The following DMD variants were observed in gnomAD, a reference collection of about 807,000 sequenced individuals.
DMD encodes the protein dystrophin, also known as mutant dystrophin.
DMD carries 63 observed loss-of-function variants against 330.1 expected under a neutral mutation model. That is an observed-to-expected ratio of 0.19 (90% CI 0.16 to 0.24). The LOEUF (loss-of-function observed/expected upper bound fraction) is 0.24, where lower values mean the gene tolerates loss of function less well. Among genes scored for constraint, DMD ranks in the 10% least tolerant of loss-of-function variants. The pLI is 1.00. For missense variants in DMD, 3,344 were observed against 2,684.1 expected (o/e 1.25, Z -5.43); for synonymous variants, 1,223 against 959.8 (o/e 1.27, Z -5.07).
chrX:32,005,327 C>A (rs984959146), intron 44 of DMD, among the ~76,000 whole-genome samples: 11 of 111,290 alleles, frequency 9.9e-5, no homozygotes, highest in African/African-American at 3.6e-4. Context: ...GTGAGATGAG[C>A]TAGCATCCTG....
intron 1 of DMD, among the ~76,000 whole-genome samples, chrX:33,108,072 A>G (rs1438132855): frequency 1.8e-5 from 2 of 111,668 alleles, no homozygotes; most frequent in Admixed American, 1.9e-4. Context: ...AATAAAACTA[A>G]TGTTTCCATT....
chrX:32,740,725 T>G (rs1339667248), intron 7 of DMD, among the ~76,000 whole-genome samples: 3 of 111,385 alleles, frequency 2.7e-5, no homozygotes, highest in Non-Finnish European at 5.7e-5. Context: ...GTGAGTGTAT[T>G]TACTACCTCT....
intron 44 of DMD, among the ~76,000 whole-genome samples, chrX:32,170,872 A>T (rs2096885183): frequency 9.0e-6 from 1 of 111,353 alleles, no homozygotes; most frequent in East Asian, 2.8e-4. Context: ...CCTGGCTGAG[A>T]ACCACTGTAT....
At chrX:31,978,699 G>A (rs774916172) in intron 44 of DMD, among the ~76,000 whole-genome samples, 1 of 111,389 alleles carries the variant, frequency 9.0e-6, no homozygotes, top group African/African-American at 3.3e-5. Flanking sequence ...GTGACGTCCT[G>A]GTCATTCTCC....
At chrX:31,126,837 A>C (rs1601971965) in intron 77 of DMD, 164 bp from the exon 78 acceptor site, 1 of 460,881 alleles carries the variant, frequency 2.2e-6, no homozygotes, top group East Asian at 3.7e-5. Flanking sequence ...GAAACAAAAA[A>C]CCCAAAAGAC....
At chrX:31,637,800 T>C (rs949211194) in intron 54 of DMD, among the ~76,000 whole-genome samples, 4 of 111,673 alleles carry the variant, frequency 3.6e-5, no homozygotes, top group South Asian at 3.7e-4. Context: ...ATTATTTCAG[T>C]TGAACCTCAT....
intron 25 of DMD, among the ~76,000 whole-genome samples, chrX:32,461,232 T>A (rs1461973006): frequency 8.9e-6 from 1 of 111,751 alleles, no homozygotes; most frequent in African/African-American, 3.2e-5. Flanking sequence ...ATGCATAGAT[T>A]TACACTTCAT....
intron 44 of DMD, among the ~76,000 whole-genome samples, chrX:32,174,716 A>C (rs761311102): frequency 2.7e-5 from 3 of 111,078 alleles, no homozygotes; most frequent in South Asian, 7.5e-4. Flanking sequence ...CGTATATTTT[A>C]TTTTCAAAGT....
chrX:32,839,097 T>C (rs906304675), intron 4 of DMD, among the ~76,000 whole-genome samples: 1 of 111,633 alleles, frequency 9.0e-6, no homozygotes, highest in Admixed American at 9.6e-5. Flanking sequence ...TGTCATCTCA[T>C]TTAGACCTGA....
intron 55 of DMD, among the ~76,000 whole-genome samples, chrX:31,517,489 C>T (rs2072335151): frequency 2.7e-5 from 3 of 111,753 alleles, no homozygotes; most frequent in African/African-American, 9.8e-5. Flanking sequence ...CTTAGAATGC[C>T]GCCTGGAGAT....
At position 32,379,208 on chromosome X, in the gene DMD, CT is replaced by C. The variant is rs376563271; in HGVS notation, c.4845+1301del. ...AGAAAATAAATGCCAGTTTTCTAAG[CT>C]TTTTTTTTTTCCTACTAGATCTCAC... is the stretch of plus-strand genomic sequence containing the variant. On this transcript the variant is annotated intron_variant, in intron 34 of 78. Transcript: ENST00000357033. Among the ~76,000 whole-genome samples, 304 of 102,639 alleles carry C rather than the reference CT, an allele frequency of 3.0e-3. 1 individual carries two copies. The highest frequency in any genetic ancestry group is 9.5e-3 in the African/African-American group (272 of 28,542). 89.1% of individuals were successfully genotyped at this position (102,639 alleles called of 115,157 possible). A position where few individuals can be genotyped will look rare whatever the true frequency, so the allele number is the denominator to read the frequency against.
chrX:33,013,590 G>A (rs971584601), intron 2 of DMD, among the ~76,000 whole-genome samples: 3 of 111,885 alleles, frequency 2.7e-5, no homozygotes. Flanking sequence ...TGGCACAATA[G>A]CTCTGCTCGA....
At chrX:31,988,787 G>C (rs867491475) in intron 44 of DMD, among the ~76,000 whole-genome samples, 2 of 106,729 alleles carry the variant, frequency 1.9e-5, no homozygotes, top group Non-Finnish European at 3.9e-5. Context: ...TTCTCTCTCT[G>C]TCTCTCTCTC....
rs149880377 is a variant in DMD at position 32,374,467 on chromosome X, A to G, written c.4845+6043T>C. On this transcript the variant is annotated intron_variant, in intron 34 of 78. Transcript: ENST00000357033. ...ACATTTAAGACTTTAATCCATCTTG[A>G]GTTAATTTTTGTATATGGTGAAAGG... is the stretch of plus-strand genomic sequence containing the variant. 3.7e-3 allele frequency among the ~76,000 whole-genome samples: 415 copies of G among 111,424 alleles called. 3 individuals are homozygous for G. Among genetic ancestry groups the G allele is most frequent in the African/African-American group, 0.013 (393 of 30,697 alleles).
intron 25 of DMD, among the ~76,000 whole-genome samples, chrX:32,462,507 T>A (rs912971415): frequency 9.0e-6 from 1 of 110,990 alleles, no homozygotes; most frequent in African/African-American, 3.3e-5. Context: ...TATCTTACTA[T>A]CCGTAATTGA....
At chrX:32,733,795 C>T (rs1363163398) in intron 7 of DMD, among the ~76,000 whole-genome samples, 6 of 103,776 alleles carry the variant, frequency 5.8e-5, no homozygotes, top group East Asian at 6.6e-4. Context: ...GCACTAAATG[C>T]CCACAAGAGA....
At chrX:32,265,266 T>G (rs771393560) in intron 43 of DMD, among the ~76,000 whole-genome samples, 1 of 112,648 alleles carries the variant, frequency 8.9e-6, no homozygotes, top group South Asian at 3.6e-4. Context: ...GCTCAGCCCA[T>G]GGCTACAGAG....
intron 62 of DMD, among the ~76,000 whole-genome samples, chrX:31,318,496 C>T (rs1376843676): frequency 8.9e-6 from 1 of 112,141 alleles, no homozygotes; most frequent in Non-Finnish European, 1.9e-5. Context: ...GGTTTTATAT[C>T]GCATTTTGCT....
chrX:32,894,236 C>A (rs763267439), intron 2 of DMD, among the ~76,000 whole-genome samples: 2 of 112,215 alleles, frequency 1.8e-5, no homozygotes, highest in African/African-American at 6.5e-5. Flanking sequence ...TTGTACTGAA[C>A]CCCTATAACC....
Sources: gnomAD v4.1 joint callset for allele counts (sites outside exome capture counted in the v4.1 genomes callset) on GRCh38, gnomAD v4.1.1 for gene constraint, MANE v1.5 for transcripts, NCBI Gene and HGNC (gene_info 2026-07-23, HGNC 2026-07-21) for gene names.